NR5A2: variants seen among roughly 807,000 people sequenced by gnomAD.
NR5A2 encodes the protein nuclear receptor subfamily 5 group A member 2.
NR5A2 carries 26 observed loss-of-function variants against 62.7 expected under a neutral mutation model. The ratio of observed to expected loss-of-function variants is 0.41; its 90% CI spans 0.30 to 0.58. NR5A2 has a LOEUF of 0.58. Ranked by LOEUF, NR5A2 falls within the 20% of genes least tolerant of loss-of-function variation. NR5A2 has a pLI of 0.22. For missense variants in NR5A2, 541 were observed against 669.1 expected (o/e 0.81, Z 2.11); for synonymous variants, 246 against 241.7 (o/e 1.02, Z -0.16).
At chr1:200,114,503 C>G (rs1346806079) in intron 6 of NR5A2, among the ~76,000 whole-genome samples, 1 of 152,112 alleles carries the variant, frequency 6.6e-6, no homozygotes, top group Non-Finnish European at 1.5e-5. Flanking sequence ...GTTTTCGTGT[C>G]TCCATTCCAA....
intron 7 of NR5A2, among the ~76,000 whole-genome samples, chr1:200,124,561 T>C (rs541492772): frequency 6.6e-6 from 1 of 152,304 alleles, no homozygotes; most frequent in South Asian, 2.1e-4. Flanking sequence ...CAATCTCTGT[T>C]AGTTGTTAGT....
At chr1:200,173,339 G>T (rs1654268981) in intron 7 of NR5A2, among the ~76,000 whole-genome samples, 1 of 152,208 alleles carries the variant, frequency 6.6e-6, no homozygotes, top group Non-Finnish European at 1.5e-5. Flanking sequence ...GCTCTCATTT[G>T]ATAAAGATCA....
chr1:200,124,148 A>G (rs1244020996), intron 7 of NR5A2, among the ~76,000 whole-genome samples: 2 of 152,100 alleles, frequency 1.3e-5, no homozygotes, highest in Non-Finnish European at 2.9e-5. Flanking sequence ...GAGATGAAGG[A>G]TACAAACCAG....
chr1:200,081,408 C>A (rs1334208240), intron 5 of NR5A2, among the ~76,000 whole-genome samples: 2 of 152,164 alleles, frequency 1.3e-5, no homozygotes, highest in Non-Finnish European at 2.9e-5. Flanking sequence ...TATATCAATG[C>A]CTAAAGCAGA....
At chr1:200,139,112 G>A (rs1385561811) in intron 7 of NR5A2, among the ~76,000 whole-genome samples, 1 of 152,096 alleles carries the variant, frequency 6.6e-6, no homozygotes, top group Non-Finnish European at 1.5e-5. Flanking sequence ...CTCCACAGAG[G>A]TATTGTACAT....
intron 6 of NR5A2, 33 bp downstream of exon 6, chr1:200,111,354 A>T: frequency 6.6e-7 from 1 of 1,521,862 alleles, no homozygotes; most frequent in Non-Finnish European, 8.9e-7. Context: ...AAAAAAAAGC[A>T]TCTTTTTATT....
At position 200,147,575 on chromosome 1, in the gene NR5A2, CCT is replaced by C; in HGVS notation, c.1379-26385_1379-26384del. 2.8e-6 allele frequency: 2 copies of C among 707,534 alleles called. No homozygotes were observed. Among genetic ancestry groups the C allele is most frequent in the Non-Finnish European group, 5.3e-6 (2 of 379,776 alleles). The allele number at this position is 707,534 out of a possible 1,614,324, so 43.8% of individuals were successfully genotyped here. A position where few individuals can be genotyped will look rare whatever the true frequency, so the allele number is the denominator to read the frequency against. ...TCCATTGGTGTGCTTAAAGCGATCT[CCT>C]CTACACGAACGCTAGGGCAGAGCAC... is the stretch of plus-strand genomic sequence containing the variant. On this transcript the variant is annotated intron_variant, in intron 7 of 7. Coordinates refer to ENST00000367362, the MANE Select transcript of NR5A2 (RefSeq NM_205860.3). This position sits in a 1 kb window ranked among gnomAD's most constrained non-coding sequence, Gnocchi z 4.9.
At chr1:200,144,316 G>A (rs1667591524) in intron 7 of NR5A2, among the ~76,000 whole-genome samples, 1 of 151,634 alleles carries the variant, frequency 6.6e-6, no homozygotes, top group Non-Finnish European at 1.5e-5. Context: ...TGTGCCGTGG[G>A]TCTCCGGTCT....
At chr1:200,161,060 G>A (rs1203049641) in intron 7 of NR5A2, among the ~76,000 whole-genome samples, 2 of 152,034 alleles carry the variant, frequency 1.3e-5, no homozygotes, top group Non-Finnish European at 2.9e-5. Flanking sequence ...CTATGCTTTG[G>A]GAGCAGATGG....
At chr1:200,027,999 G>A in intron 1 of NR5A2, 88 bp downstream of exon 1, 1 of 872,576 alleles carries the variant, frequency 1.1e-6, no homozygotes, top group Non-Finnish European at 1.8e-6. Context: ...TGCATTTTAA[G>A]TCATGGCTTT....
chr1:200,161,277 T>G (rs1367192739), intron 7 of NR5A2, among the ~76,000 whole-genome samples: 1 of 152,240 alleles, frequency 6.6e-6, no homozygotes, highest in Non-Finnish European at 1.5e-5. Flanking sequence ...AAATTCTGTT[T>G]CCTGGCTCAG....
chr1:200,154,665 G>C (rs917621361), intron 7 of NR5A2, among the ~76,000 whole-genome samples: 1 of 152,192 alleles, frequency 6.6e-6, no homozygotes, highest in African/African-American at 2.4e-5. Context: ...TCTGACCTGG[G>C]CAACATAGTG....
At chr1:200,133,726 T>C (rs899357793) in intron 7 of NR5A2, among the ~76,000 whole-genome samples, 3 of 151,636 alleles carry the variant, frequency 2.0e-5, no homozygotes, top group Admixed American at 6.6e-5. Context: ...TTTACCCTAC[T>C]ATATACTTTG....
intron 7 of NR5A2, among the ~76,000 whole-genome samples, chr1:200,155,026 TA>T (rs1653312727): frequency 6.6e-6 from 1 of 152,212 alleles, no homozygotes; most frequent in Non-Finnish European, 1.5e-5. Flanking sequence ...TAAGATTCAA[TA>T]AAGCTTCAGG....
intron 7 of NR5A2, among the ~76,000 whole-genome samples, chr1:200,158,806 G>C (rs900062183): frequency 6.6e-6 from 1 of 152,104 alleles, no homozygotes; most frequent in African/African-American, 2.4e-5. Context: ...GAACATCATG[G>C]TGCTGCCATA....
In NR5A2 at chr1:200,094,890, A is replaced by G. The variant is rs1409729533; in HGVS notation, c.1111-16312A>G. Among the ~76,000 whole-genome samples the G allele has an allele frequency of 2.0e-5, 3 of 152,208 alleles. No individual in the cohort carries two copies. The East Asian group carries it at 5.8e-4, about 29-fold the overall frequency. Reference sequence around the variant, plus strand: ...CTTCAGATGAAAAAATAGCCTTTTTAGACACCAGGCACCAAAATAACTTTC... The same window carrying G: ...CTTCAGATGAAAAAATAGCCTTTTTGGACACCAGGCACCAAAATAACTTTC... On this transcript the variant is annotated intron_variant, in intron 5 of 7. Coordinates refer to ENST00000367362, the MANE Select transcript of NR5A2 (RefSeq NM_205860.3).
In NR5A2 at chr1:200,164,867, GTTTTTTTTTTTTTT is replaced by G. The variant is rs56818276; in HGVS notation, c.1379-9082_1379-9069del. On this transcript the variant is annotated intron_variant, in intron 7 of 7. Coordinates refer to ENST00000367362, the MANE Select transcript of NR5A2 (RefSeq NM_205860.3). ...CTGGCCAACTTTATTTTTTAGAGCA[GTTTTTTTTTTTTTT>G]TTTTTTTTTTTTTAGACGGAGTCTT... is the stretch of plus-strand genomic sequence containing the variant. Among the ~76,000 whole-genome samples the G allele has an allele frequency of 9.4e-5, 6 of 63,930 alleles. No individual in the cohort carries two copies. The East Asian group carries it at 2.5e-3, about 26-fold the overall frequency. 41.9% of individuals were successfully genotyped at this position (63,930 alleles called of 152,430 possible).
intron 5 of NR5A2, among the ~76,000 whole-genome samples, chr1:200,075,631 G>A (rs372879635): frequency 6.6e-6 from 1 of 152,196 alleles, no homozygotes; most frequent in Non-Finnish European, 1.5e-5. Context: ...TGCATAAACC[G>A]TTACCGTTGT....
rs574779355 is a variant in NR5A2 at position 200,044,120 on chromosome 1, A to G, written c.321+228A>G. ...AAACTTTGCCAGTCTCATGGTTCTAAAATACTTTATTGTAGTAAAGTGATA... is the reference window on the plus strand; with the variant it reads ...AAACTTTGCCAGTCTCATGGTTCTAGAATACTTTATTGTAGTAAAGTGATA... On this transcript the variant is annotated intron_variant, in intron 3 of 7. Transcript: ENST00000367362. 6 of 383,804 alleles carry G rather than the reference A, an allele frequency of 1.6e-5. No homozygotes were observed. The South Asian group carries it at 3.9e-4, about 25-fold the overall frequency. The allele number at this position is 383,804 out of a possible 1,614,324, so 23.8% of individuals were successfully genotyped here.
Sources: gnomAD v4.1 joint callset for allele counts (sites outside exome capture counted in the v4.1 genomes callset) on GRCh38, gnomAD v4.1.1 for gene constraint, Gnocchi (gnomAD v3.1) non-coding constraint, MANE v1.5 for transcripts, NCBI Gene and HGNC (gene_info 2026-07-23, HGNC 2026-07-21) for gene names.